ZSCAN25: variants seen among roughly 807,000 people sequenced by gnomAD.
ZSCAN25 encodes the protein zinc finger and SCAN domain containing 25.
ZSCAN25 carries 27 observed loss-of-function variants against 38.7 expected under a neutral mutation model. That is an observed-to-expected ratio of 0.70 (90% CI 0.51 to 0.96). The LOEUF (loss-of-function observed/expected upper bound fraction) is 0.96. Among genes scored for constraint, ZSCAN25 ranks in the 40% least tolerant of loss-of-function variants. ZSCAN25 has a pLI of 0.00. For missense variants in ZSCAN25, 637 were observed against 705.9 expected, an observed-to-expected ratio of 0.90 and a Z score of 1.11; for synonymous variants, 273 against 277.7, an observed-to-expected ratio of 0.98 and a Z score of 0.17.
chr7:99,692,418 T>A, the ZSCAN25 span, among the ~76,000 whole-genome samples: 6 of 152,332 alleles, frequency 3.9e-5, no homozygotes, highest in East Asian at 1.2e-3. Context: ...GTTCTCTGTA[T>A]TTCCTGAATT....
chr7:99,732,789 T>G, the ZSCAN25 span, among the ~76,000 whole-genome samples: 1 of 152,226 alleles, frequency 6.6e-6, no homozygotes, highest in Non-Finnish European at 1.5e-5. Flanking sequence ...TGGATCCATA[T>G]GCCTCATATG....
chr7:99,683,872 A>G, the ZSCAN25 span, among the ~76,000 whole-genome samples: 2 of 152,124 alleles, frequency 1.3e-5, no homozygotes, highest in Non-Finnish European at 2.9e-5. Context: ...CACCCACCTA[A>G]TGACTTTAGG....
At chr7:99,653,309 G>A in the ZSCAN25 span, among the ~76,000 whole-genome samples, 2 of 152,070 alleles carry the variant, frequency 1.3e-5, no homozygotes, top group African/African-American at 2.4e-5. The surrounding 1 kb of genome is among the most constrained non-coding windows in gnomAD (Gnocchi z 4.2). Flanking sequence ...AAACTAGCTG[G>A]GTGTGGTGGC....
intron 6 of ZSCAN25, 119 bp from the exon 7 acceptor site, chr7:99,623,938 A>G (rs1584354514): frequency 7.1e-7 from 1 of 1,406,036 alleles, no homozygotes; most frequent in Non-Finnish European, 9.9e-7. Flanking sequence ...AAACAAGTGG[A>G]TTACTCCCAT....
At chr7:99,649,023 A>T in the ZSCAN25 span, among the ~76,000 whole-genome samples, 1 of 152,194 alleles carries the variant, frequency 6.6e-6, no homozygotes, top group Non-Finnish European at 1.5e-5. Context: ...CACTATTGTC[A>T]CTGAGTCACC....
chr7:99,702,043 A>G, the ZSCAN25 span, among the ~76,000 whole-genome samples: 3 of 150,342 alleles, frequency 2.0e-5, no homozygotes, highest in Non-Finnish European at 4.4e-5. Flanking sequence ...AAGAGTTTCC[A>G]CAATGTTTCC....
chr7:99,727,748 A>T, the ZSCAN25 span, among the ~76,000 whole-genome samples: 3 of 152,056 alleles, frequency 2.0e-5, no homozygotes, highest in Admixed American at 6.5e-5. Context: ...AGCAAGCCAA[A>T]CTCATTGCCT....
At chr7:99,660,284 G>C in the ZSCAN25 span, 1 of 1,053,246 alleles carries the variant, frequency 9.5e-7, no homozygotes, top group African/African-American at 1.8e-5. Flanking sequence ...AGGTGAACCA[G>C]GGCCAGCAAT....
chr7:99,650,402 A>G, the ZSCAN25 span, among the ~76,000 whole-genome samples: 3 of 152,208 alleles, frequency 2.0e-5, no homozygotes, highest in Admixed American at 2.0e-4. Flanking sequence ...CGTTATAATC[A>G]TCATAACCTA....
Position 99,624,169 on chromosome 7 carries a change from G to C in ZSCAN25, c.794G>C (p.Arg265Thr), listed in dbSNP as rs747967637. The C allele has an allele frequency of 2.5e-6, 4 of 1,613,670 alleles. No individual in the cohort carries two copies. The highest frequency in any genetic ancestry group is 3.4e-6 in the Non-Finnish European group (4 of 1,179,896). ...GAGTATGTGGAACCGCAGGACTGCA[G>C]GGTCTCTCCAGGTAAGACTGTCTCC... Reference protein sequence around the residue: ...FGEYVEPQDCRVSPGGGSKEK... With the variant: ...FGEYVEPQDCTVSPGGGSKEK... The change falls in exon 7 of 8, where the codon AGG becomes ACG. Residue 265 changes from arginine to threonine, a missense_variant. Arg to Thr is a moderately conservative substitution (Grantham distance 71). Transcript: ENST00000394152.
At chr7:99,648,304 C>T in the ZSCAN25 span, 2 of 1,610,782 alleles carry the variant, frequency 1.2e-6, no homozygotes, top group Admixed American at 1.7e-5. Context: ...CTTAGAATAA[C>T]TCATTCTCCA....
the ZSCAN25 span, among the ~76,000 whole-genome samples, chr7:99,708,809 G>A: frequency 1.3e-5 from 2 of 152,162 alleles, no homozygotes; most frequent in African/African-American, 4.8e-5. Flanking sequence ...GGACATAATT[G>A]AGGACCTTCA....
chr7:99,711,770 A>T, the ZSCAN25 span, among the ~76,000 whole-genome samples: 1 of 93,480 alleles, frequency 1.1e-5, no homozygotes. Flanking sequence ...ACTCTGTCTC[A>T]AAACAAAACA....
At chr7:99,703,629 G>A in the ZSCAN25 span, among the ~76,000 whole-genome samples, 1 of 152,078 alleles carries the variant, frequency 6.6e-6, no homozygotes, top group African/African-American at 2.4e-5. Context: ...ATTCATGCTA[G>A]TTTTCTCCCT....
At chr7:99,709,318 C>T in the ZSCAN25 span, 1 of 1,578,454 alleles carries the variant, frequency 6.3e-7, no homozygotes, top group Non-Finnish European at 8.6e-7. Context: ...ACTTTTAACT[C>T]AGTCCATGTA....
the ZSCAN25 span, among the ~76,000 whole-genome samples, chr7:99,642,295 A>G: frequency 2.6e-5 from 4 of 152,260 alleles, no homozygotes; most frequent in African/African-American, 9.6e-5. Flanking sequence ...AGTGATGCTT[A>G]GTCATAAGAG....
At chr7:99,653,215 C>G in the ZSCAN25 span, among the ~76,000 whole-genome samples, 7 of 152,168 alleles carry the variant, frequency 4.6e-5, no homozygotes, top group African/African-American at 1.7e-4. This position sits in a 1 kb window ranked among gnomAD's most constrained non-coding sequence, Gnocchi z 4.2. Context: ...TTATTGGTTG[C>G]AGAGTCCTGC....
the ZSCAN25 span, chr7:99,730,527 T>A: frequency 6.5e-6 from 1 of 154,510 alleles, no homozygotes; most frequent in Non-Finnish European, 1.4e-5. Context: ...AAATTTGGCA[T>A]TTTTTGAAGA....
At chr7:99,673,161 G>A in the ZSCAN25 span, among the ~76,000 whole-genome samples, 1 of 152,206 alleles carries the variant, frequency 6.6e-6, no homozygotes, top group Non-Finnish European at 1.5e-5. Flanking sequence ...GACATCTAGA[G>A]CTGTGTCATC....
Sources: gnomAD v4.1 joint callset for allele counts (sites outside exome capture counted in the v4.1 genomes callset) on GRCh38, gnomAD v4.1.1 for gene constraint, Gnocchi (gnomAD v3.1) non-coding constraint, MANE v1.5 for transcripts, NCBI Gene and HGNC (gene_info 2026-07-23, HGNC 2026-07-21) for gene names.